Variants in ZNF782 observed in about 807,000 individuals in gnomAD.
ZNF782 encodes the protein zinc finger protein 782.
A neutral mutation model predicts 13.0 loss-of-function variants in ZNF782; 12 were observed. The ratio of observed to expected loss-of-function variants is 0.92; its 90% CI spans 0.59 to 1.50. ZNF782 has a LOEUF of 1.50. Ranked by LOEUF, ZNF782 falls within the 40% of genes most tolerant of loss-of-function variation. The pLI, the probability that ZNF782 is intolerant of heterozygous loss-of-function variation, is 0.00. For synonymous variants in ZNF782, 284 were observed against 283.0 expected (o/e 1.00, Z -0.04); for missense variants, 770 against 822.9 (o/e 0.94, Z 0.79).
At chr9:96,878,342 G>A (rs570672512), upstream of ZNF782, among the ~76,000 whole-genome samples, 1 of 152,316 alleles carries the variant, frequency 6.6e-6, no homozygotes, top group South Asian at 2.1e-4. Flanking sequence ...GAGCCACCGC[G>A]TCCGGACTCC....
At chr9:96,827,207 T>C (rs780734096) in intron 4 of ZNF782, 26 bp from the exon 5 acceptor site, 2 of 1,492,420 alleles carry the variant, frequency 1.3e-6, no homozygotes, top group South Asian at 1.2e-5. Flanking sequence ...AATTTAGCAT[T>C]TGCATTAGTT....
At chr9:96,933,047 G>A in the ZNF782 span, among the ~76,000 whole-genome samples, 4 of 146,834 alleles carry the variant, frequency 2.7e-5, no homozygotes, top group East Asian at 2.0e-4. Flanking sequence ...GCGTGATCTC[G>A]GCTCACTGCA....
intron 4 of ZNF782, among the ~76,000 whole-genome samples, chr9:96,839,493 G>A (rs930027132): frequency 6.6e-6 from 1 of 152,068 alleles, no homozygotes; most frequent in African/African-American, 2.4e-5. Flanking sequence ...AGAAGTATCT[G>A]TAATCAATCT....
chr9:96,840,693 T>C (rs1414740427), intron 4 of ZNF782, among the ~76,000 whole-genome samples: 2 of 152,072 alleles, frequency 1.3e-5, no homozygotes, highest in Non-Finnish European at 2.9e-5. Flanking sequence ...AAAGAAGAAA[T>C]ATGTCTTCTA....
At chr9:96,845,516 C>T (rs1467336080) in intron 3 of ZNF782, among the ~76,000 whole-genome samples, 1 of 152,188 alleles carries the variant, frequency 6.6e-6, no homozygotes, top group Non-Finnish European at 1.5e-5. Flanking sequence ...CTTGGCCTCC[C>T]AAAGTGCTGG....
chr9:96,818,926 T>C lies in ZNF782; in HGVS notation c.1097A>G (p.Tyr366Cys), dbSNP rs145150698. 1.4e-4 allele frequency: 226 copies of C among 1,614,250 alleles called. No homozygotes were observed. The African/African-American group carries it at 2.7e-3, about 19-fold the overall frequency. Residue 366 changes from tyrosine to cysteine, a missense_variant, in exon 6 of 6, where the codon TAT becomes TGT. Transcript: ENST00000481138. Reference sequence around the variant, plus strand: ...GGATTTCCCACATTCATTATACTCATAGGGTTTTGCCCTTATGTGAACCTT... The same window carrying C: ...GGATTTCCCACATTCATTATACTCACAGGGTTTTGCCCTTATGTGAACCTT... ...HQKVHIRAKP[Y>C]EYNECGKSCS...
chr9:96,932,361 T>C, the ZNF782 span: 1 of 1,611,264 alleles, frequency 6.2e-7, no homozygotes, highest in South Asian at 1.1e-5. Flanking sequence ...TACAAGCCCC[T>C]GGCCCGGAGG....
At chr9:96,933,654 G>A in the ZNF782 span, 1,404 of 152,578 alleles carry the variant, frequency 9.2e-3, 49 homozygotes, top group East Asian at 0.1. Context: ...TTGCAGACGT[G>A]AGCCACCGCA....
intron 3 of ZNF782, among the ~76,000 whole-genome samples, chr9:96,848,497 C>T (rs1851399759): frequency 1.3e-5 from 2 of 152,146 alleles, no homozygotes; most frequent in Admixed American, 1.3e-4. Context: ...AACAAATCAG[C>T]AGCAATGCTA....
intron 2 of ZNF782, among the ~76,000 whole-genome samples, chr9:96,852,242 T>A (rs1483210956): frequency 6.6e-6 from 1 of 152,236 alleles, no homozygotes; most frequent in Non-Finnish European, 1.5e-5. Context: ...CTTTTCCCAA[T>A]TGATTTAACA....
At chr9:96,896,716 G>A in the ZNF782 span, among the ~76,000 whole-genome samples, 1 of 152,166 alleles carries the variant, frequency 6.6e-6, no homozygotes, top group Non-Finnish European at 1.5e-5. Context: ...TTAAGCCCAG[G>A]ATAAAAGCAG....
the ZNF782 span, among the ~76,000 whole-genome samples, chr9:96,910,887 C>T: frequency 6.6e-6 from 1 of 150,408 alleles, no homozygotes; most frequent in African/African-American, 2.4e-5. Flanking sequence ...CCACCCACCT[C>T]GGCCTCCCAA....
chr9:96,931,602 T>G, the ZNF782 span: 1 of 904,322 alleles, frequency 1.1e-6, no homozygotes, highest in East Asian at 2.7e-5. Context: ...TCAGGGACAC[T>G]TGCAAGCTGC....
intron 5 of ZNF782, among the ~76,000 whole-genome samples, chr9:96,822,137 C>A (rs1850441081): frequency 1.3e-5 from 2 of 152,198 alleles, no homozygotes; most frequent in South Asian, 4.1e-4. Context: ...CACAAGTGCT[C>A]AGACTCAATG....
chr9:96,849,810 G>T (rs1010389236), intron 3 of ZNF782, among the ~76,000 whole-genome samples: 5 of 151,210 alleles, frequency 3.3e-5, no homozygotes, highest in African/African-American at 1.2e-4. Flanking sequence ...AAATAAACCA[G>T]CAAGAAAAAA....
upstream of ZNF782, chr9:96,854,542 G>T (rs10979329): frequency 0.19 from 28,861 of 152,236 alleles, 6,776 homozygotes; most frequent in African/African-American, 0.55. Flanking sequence ...AGGAGCCCAG[G>T]AGCCCCATCC....
intron 4 of ZNF782, among the ~76,000 whole-genome samples, chr9:96,829,733 TAAA>T (rs1052887142): frequency 2.0e-5 from 3 of 151,958 alleles, no homozygotes; most frequent in Non-Finnish European, 4.4e-5. Context: ...AAATAAACTT[TAAA>T]AGGATTAAAA....
chr9:96,831,296 G>A (rs1293878933), intron 4 of ZNF782, among the ~76,000 whole-genome samples: 1 of 152,210 alleles, frequency 6.6e-6, no homozygotes, highest in Non-Finnish European at 1.5e-5. Context: ...ATCTATATAT[G>A]TGATAAATAA....
intron 5 of ZNF782, among the ~76,000 whole-genome samples, chr9:96,821,525 T>C (rs181398298): frequency 5.3e-4 from 81 of 152,324 alleles, no homozygotes; most frequent in Admixed American, 5.2e-3. Flanking sequence ...AAGGAATATA[T>C]GGATAGTACT....
Sources: allele counts gnomAD v4.1 joint callset (sites outside exome capture counted in the v4.1 genomes callset), GRCh38; gene constraint gnomAD v4.1.1; transcripts MANE v1.5; gene names NCBI Gene and HGNC (gene_info 2026-07-23, HGNC 2026-07-21).